Variants in NME7 observed in about 807,000 individuals in gnomAD.
NME7 encodes the protein nucleoside diphosphate kinase 7.
In NME7, 41 loss-of-function variants were observed where a neutral mutation model predicts 49.1. That is an observed-to-expected ratio of 0.83 (90% CI 0.65 to 1.08). The LOEUF (loss-of-function observed/expected upper bound fraction) is 1.08, where lower values mean the gene tolerates loss of function less well. Ranked by LOEUF, NME7 falls within the 50% of genes least tolerant of loss-of-function variation. The pLI is 0.00. For synonymous variants in NME7, 139 were observed against 150.6 expected (o/e 0.92, Z 0.56); for missense variants, 423 against 463.4 (o/e 0.91, Z 0.80).
At chr1:169,178,807 G>A (rs926652070) in intron 10 of NME7, among the ~76,000 whole-genome samples, 1 of 145,284 alleles carries the variant, frequency 6.9e-6, no homozygotes, top group African/African-American at 2.5e-5. Context: ...TAGACTTCTA[G>A]CTGAAACCTC....
intron 10 of NME7, among the ~76,000 whole-genome samples, chr1:169,194,869 T>C (rs935414656): frequency 2.0e-5 from 3 of 152,126 alleles, no homozygotes; most frequent in Non-Finnish European, 4.4e-5. Context: ...ATTCCATGGG[T>C]GACAGTTTCA....
At chr1:169,139,789 G>A (rs1392201692) in intron 11 of NME7, among the ~76,000 whole-genome samples, 4 of 152,174 alleles carry the variant, frequency 2.6e-5, no homozygotes, top group Non-Finnish European at 4.4e-5. Context: ...TCAGATGATA[G>A]CATACATAAT....
chr1:169,211,265 T>A (rs905683893), intron 10 of NME7, among the ~76,000 whole-genome samples: 1 of 152,160 alleles, frequency 6.6e-6, no homozygotes, highest in Non-Finnish European at 1.5e-5. Context: ...CTGTTAAAAA[T>A]GCTGTTTAAA....
intron 1 of NME7, among the ~76,000 whole-genome samples, chr1:169,339,242 T>C (rs1217066240): frequency 6.6e-6 from 1 of 152,218 alleles, no homozygotes; most frequent in African/African-American, 2.4e-5. Context: ...AAAGAGGACA[T>C]CTTTTCTTAC....
intron 11 of NME7, among the ~76,000 whole-genome samples, chr1:169,155,724 A>G (rs1319575318): frequency 1.3e-5 from 2 of 149,516 alleles, no homozygotes; most frequent in Non-Finnish European, 3.0e-5. Context: ...AAACTTTATC[A>G]TTGTGTCTAT....
At chr1:169,283,096 C>A (rs1650099032) in intron 7 of NME7, among the ~76,000 whole-genome samples, 1 of 151,822 alleles carries the variant, frequency 6.6e-6, no homozygotes, top group Non-Finnish European at 1.5e-5. Context: ...ACTTTGTAGG[C>A]CTCTAAGCAT....
chr1:169,217,408 A>G (rs1259779885), intron 10 of NME7, among the ~76,000 whole-genome samples: 1 of 152,208 alleles, frequency 6.6e-6, no homozygotes, highest in Non-Finnish European at 1.5e-5. Context: ...AGATTATAAA[A>G]TATTCCATTA....
intron 7 of NME7, chr1:169,286,272 T>A (rs907578384): frequency 6.6e-6 from 1 of 152,136 alleles, no homozygotes; most frequent in Admixed American, 6.5e-5. Context: ...GAATTCAGTA[T>A]TTTTTTACTT....
At chr1:169,278,054 C>G (rs1206533074) in intron 7 of NME7, among the ~76,000 whole-genome samples, 3 of 151,800 alleles carry the variant, frequency 2.0e-5, no homozygotes, top group Non-Finnish European at 2.9e-5. Context: ...GCCGAGAGAT[C>G]CGCTGTTAGT....
intron 3 of NME7, among the ~76,000 whole-genome samples, chr1:169,316,195 A>G (rs1000005458): frequency 6.6e-6 from 1 of 151,344 alleles, no homozygotes; most frequent in Non-Finnish European, 1.5e-5. Flanking sequence ...ATAAATAAAT[A>G]AATAAAAGAA....
intron 7 of NME7, among the ~76,000 whole-genome samples, chr1:169,257,849 T>C (rs75599265): frequency 0.01 from 1,347 of 133,794 alleles, 332 homozygotes; most frequent in Non-Finnish European, 0.016. Context: ...TTAAGAAGGC[T>C]AAAGATAAAA....
intron 7 of NME7, among the ~76,000 whole-genome samples, chr1:169,252,228 T>C (rs1372521080): frequency 2.6e-5 from 4 of 151,558 alleles, no homozygotes; most frequent in Admixed American, 2.6e-4. Context: ...ACCTGTTGTT[T>C]CCTGACTTTT....
At chr1:169,191,782 A>G (rs528867876) in intron 10 of NME7, among the ~76,000 whole-genome samples, 2 of 152,308 alleles carry the variant, frequency 1.3e-5, no homozygotes, top group South Asian at 4.1e-4. Flanking sequence ...TGCATATTAC[A>G]TAAAAATGCA....
chr1:169,134,301 A>G (rs1228400571), intron 11 of NME7, among the ~76,000 whole-genome samples: 1 of 152,162 alleles, frequency 6.6e-6, no homozygotes, highest in Non-Finnish European at 1.5e-5. Context: ...TACATTTATT[A>G]TTTCTTTTTA....
chr1:169,347,537 C>T (rs1466972484), intron 1 of NME7, among the ~76,000 whole-genome samples: 2 of 152,108 alleles, frequency 1.3e-5, no homozygotes, highest in African/African-American at 4.8e-5. Context: ...GGCCCTAAAC[C>T]CACCCTGACA....
At chr1:169,200,984 A>C (rs1660531893) in intron 10 of NME7, among the ~76,000 whole-genome samples, 1 of 152,146 alleles carries the variant, frequency 6.6e-6, no homozygotes, top group South Asian at 2.1e-4. Context: ...TAATCCCAGC[A>C]CTTTGGAAGG....
At chr1:169,199,545 C>G (rs1307689241) in intron 10 of NME7, among the ~76,000 whole-genome samples, 1 of 150,886 alleles carries the variant, frequency 6.6e-6, no homozygotes, top group Non-Finnish European at 1.5e-5. Flanking sequence ...TCTCAAACTC[C>G]TGGGCTCAAG....
At chr1:169,290,969 C>T (rs975560437) in intron 6 of NME7, among the ~76,000 whole-genome samples, 8 of 152,172 alleles carry the variant, frequency 5.3e-5, no homozygotes, top group Non-Finnish European at 4.4e-5. Context: ...GATACCATCT[C>T]ATGCCAGTTA....
chr1:169,156,739 A>G (rs1439732528), intron 11 of NME7, among the ~76,000 whole-genome samples: 1 of 152,214 alleles, frequency 6.6e-6, no homozygotes, highest in Non-Finnish European at 1.5e-5. Context: ...GAATCTAGCA[A>G]TGAACTTATG....
Sources: gnomAD v4.1 joint callset for allele counts (sites outside exome capture counted in the v4.1 genomes callset) on GRCh38, gnomAD v4.1.1 for gene constraint, MANE v1.5 for transcripts, NCBI Gene and HGNC (gene_info 2026-07-23, HGNC 2026-07-21) for gene names.